The following RARB variants were observed in gnomAD, a reference collection of about 807,000 sequenced individuals.
RARB encodes retinoic acid receptor beta, also known as HBV-activated protein.
RARB carries 17 observed loss-of-function variants against 51.9 expected under a neutral mutation model. The observed-to-expected ratio is 0.33, with a 90% confidence interval of 0.22 to 0.49. The LOEUF (loss-of-function observed/expected upper bound fraction) is 0.49. RARB is among the 20% of genes least tolerant of loss of function. The pLI is 0.99. For missense variants in RARB, 369 were observed against 550.8 expected (o/e 0.67, Z 3.30); for synonymous variants, 215 against 195.4 (o/e 1.10, Z -0.84).
chr3:24,910,513 G>C (rs369945468), intron 2 of RARB, among the ~76,000 whole-genome samples: 5 of 152,138 alleles, frequency 3.3e-5, no homozygotes, highest in East Asian at 1.9e-4. Flanking sequence ...ACAAAGGAGA[G>C]CTGTTTTAGT....
intron 5 of RARB, among the ~76,000 whole-genome samples, chr3:25,341,172 C>G (rs1705215969): frequency 6.6e-6 from 1 of 152,132 alleles, no homozygotes; most frequent in Non-Finnish European, 1.5e-5. Context: ...TCTTCTGTTA[C>G]TCATATCTAA....
chr3:25,215,014 C>T (rs1196846128), intron 5 of RARB, among the ~76,000 whole-genome samples: 2 of 152,128 alleles, frequency 1.3e-5, no homozygotes, highest in Non-Finnish European at 2.9e-5. Context: ...CAGTGAGTAC[C>T]AGGTGGAAAA....
At chr3:25,564,700 C>T (rs1700418850) in intron 3 of RARB, among the ~76,000 whole-genome samples, 1 of 152,164 alleles carries the variant, frequency 6.6e-6, no homozygotes, top group Admixed American at 6.5e-5. Flanking sequence ...AGACAAGTAA[C>T]ATGTGGCCCT....
intron 3 of RARB, among the ~76,000 whole-genome samples, chr3:25,085,880 C>T (rs1395859707): frequency 6.6e-6 from 1 of 152,102 alleles, no homozygotes; most frequent in African/African-American, 2.4e-5. Flanking sequence ...GCTGCTGTAA[C>T]AAATAGACCA....
intron 4 of RARB, among the ~76,000 whole-genome samples, chr3:25,143,322 A>G (rs1201241600): frequency 1.3e-5 from 2 of 152,178 alleles, no homozygotes; most frequent in African/African-American, 4.8e-5. Context: ...CACTGTAAGA[A>G]CTGGTTTTCC....
chr3:25,183,775 CAA>C (rs1360579720), intron 5 of RARB, among the ~76,000 whole-genome samples: 2 of 152,140 alleles, frequency 1.3e-5, no homozygotes, highest in African/African-American at 4.8e-5. Flanking sequence ...TTTCAACAGT[CAA>C]ATTGTAACGA....
At chr3:25,106,483 T>TTTG (rs1699506940) in intron 3 of RARB, among the ~76,000 whole-genome samples, 2 of 142,790 alleles carry the variant, frequency 1.4e-5, no homozygotes, top group Non-Finnish European at 3.0e-5. Context: ...GTTTTTTTTT[T>TTTG]GTAGAGACAG....
At chr3:24,932,777 G>A (rs933519485) in intron 2 of RARB, among the ~76,000 whole-genome samples, 3 of 152,114 alleles carry the variant, frequency 2.0e-5, no homozygotes, top group South Asian at 2.1e-4. Flanking sequence ...GAAACATTCC[G>A]TGGGATTGTA....
intron 5 of RARB, among the ~76,000 whole-genome samples, chr3:25,361,654 G>C (rs1346445628): frequency 1.3e-5 from 2 of 152,286 alleles, no homozygotes; most frequent in Non-Finnish European, 2.9e-5. Context: ...GTGACCTTCA[G>C]TGAGTTTTTG....
At chr3:25,030,732 A>G (rs1697853809) in intron 2 of RARB, among the ~76,000 whole-genome samples, 1 of 152,168 alleles carries the variant, frequency 6.6e-6, no homozygotes, top group Non-Finnish European at 1.5e-5. Flanking sequence ...CCTGCTGAAG[A>G]TCTGGCTTTT....
At chr3:24,871,463 T>C (rs1423510703) in intron 2 of RARB, among the ~76,000 whole-genome samples, 1 of 152,172 alleles carries the variant, frequency 6.6e-6, no homozygotes, top group East Asian at 1.9e-4. Flanking sequence ...ACATTTCCTC[T>C]TCTCAGTGAT....
intron 5 of RARB, among the ~76,000 whole-genome samples, chr3:25,216,516 A>G (rs931258477): frequency 1.3e-5 from 2 of 151,956 alleles, no homozygotes; most frequent in Non-Finnish European, 1.5e-5. Flanking sequence ...GTTCTCACTC[A>G]TAAGTAGGAG....
At chr3:25,280,946 A>G (rs1294668913) in intron 5 of RARB, among the ~76,000 whole-genome samples, 1 of 152,130 alleles carries the variant, frequency 6.6e-6, no homozygotes, top group African/African-American at 2.4e-5. Context: ...GCAGGGTCAC[A>G]AAAAGAAGGA....
intron 4 of RARB, among the ~76,000 whole-genome samples, chr3:25,146,695 T>A (rs539922770): frequency 6.6e-6 from 1 of 151,648 alleles, no homozygotes; most frequent in East Asian, 2.0e-4. Flanking sequence ...TTTTTTTGTA[T>A]TTTTTAGTAG....
chr3:25,071,210 T>C (rs915457064), intron 3 of RARB, among the ~76,000 whole-genome samples: 1 of 152,248 alleles, frequency 6.6e-6, no homozygotes, highest in Non-Finnish European at 1.5e-5. Flanking sequence ...GCTCAATAAA[T>C]ATTTATGGAA....
intron 2 of RARB, among the ~76,000 whole-genome samples, chr3:25,464,219 C>G (rs566822670): frequency 1.5e-4 from 23 of 152,112 alleles, no homozygotes; most frequent in Non-Finnish European, 3.2e-4. Flanking sequence ...TCCAACGTGT[C>G]TCTGTGGCAC....
chr3:25,508,966 A>G (rs1697749794), intron 3 of RARB, among the ~76,000 whole-genome samples: 1 of 152,102 alleles, frequency 6.6e-6, no homozygotes, highest in Admixed American at 6.5e-5. Context: ...CTCAAAGCCC[A>G]TTAACACTCA....
At chr3:25,125,998 A>C (rs1341253982) in intron 3 of RARB, among the ~76,000 whole-genome samples, 1 of 152,194 alleles carries the variant, frequency 6.6e-6, no homozygotes, top group Admixed American at 6.5e-5. Flanking sequence ...CCTGAACTCA[A>C]GTAAGAAATT....
intron 5 of RARB, among the ~76,000 whole-genome samples, chr3:25,401,400 C>T (rs558309176): frequency 9.2e-5 from 14 of 152,246 alleles, no homozygotes; most frequent in Admixed American, 3.9e-4. Flanking sequence ...TCATATACAA[C>T]GTTCCTCGCT....
Sources: allele counts gnomAD v4.1 joint callset (sites outside exome capture counted in the v4.1 genomes callset), GRCh38; gene constraint gnomAD v4.1.1; transcripts MANE v1.5; gene names NCBI Gene and HGNC (gene_info 2026-07-23, HGNC 2026-07-21).